ZSWIM5: variants seen among roughly 807,000 people sequenced by gnomAD.
ZSWIM5 encodes zinc finger SWIM-type containing 5, also known as zinc finger SWIM domain-containing protein 5.
In ZSWIM5, 55 loss-of-function variants were observed where a neutral mutation model predicts 119.6. The observed-to-expected ratio is 0.46, with a 90% CI of 0.37 to 0.58. ZSWIM5 has a LOEUF of 0.58. Among genes scored for constraint, ZSWIM5 ranks in the 20% least tolerant of loss-of-function variants. The pLI, the probability that ZSWIM5 is intolerant of heterozygous loss-of-function variation, is 0.00. For missense variants in ZSWIM5, 1,193 were observed against 1,512.8 expected, an observed-to-expected ratio of 0.79 and a Z score of 3.51; for synonymous variants, 537 against 606.9, an observed-to-expected ratio of 0.88 and a Z score of 1.69.
chr1:45,049,927 C>G (rs1645079945), intron 5 of ZSWIM5, among the ~76,000 whole-genome samples: 2 of 152,192 alleles, frequency 1.3e-5, no homozygotes, highest in African/African-American at 2.4e-5. Context: ...AAAATTGTAG[C>G]CTTTACCTCT....
rs1239778288 is a variant in ZSWIM5 at position 45,206,041 on chromosome 1, G to A, written c.310C>T (p.Arg104Trp). 5.0e-6 allele frequency: 8 copies of A among 1,606,940 alleles called. No individual in the cohort carries two copies. The highest frequency in any genetic ancestry group is 6.8e-6 in the Non-Finnish European group (8 of 1,177,360). Reference protein sequence around the residue: ...QRRIVYWSFPRNEREICMYSS... With the variant: ...QRRIVYWSFPWNEREICMYSS... ...TACATGCAGATCTCCCGCTCATTCCGCGGGAAGGACCAGTAGACGATGCGG... is the reference window on the plus strand; with the variant it reads ...TACATGCAGATCTCCCGCTCATTCCACGGGAAGGACCAGTAGACGATGCGG... Residue 104 changes from arginine to tryptophan, a missense_variant, in exon 1 of 14, where the codon CGG becomes TGG. Around this residue, in one of 2 missense-constraint regions of ZSWIM5, gnomAD observed 232 missense variants for 222.9 expected, o/e 1.04. Transcript: ENST00000359600.
At chr1:45,071,689 G>A (rs1014180946) in intron 2 of ZSWIM5, among the ~76,000 whole-genome samples, 5 of 151,950 alleles carry the variant, frequency 3.3e-5, no homozygotes, top group African/African-American at 1.2e-4. Flanking sequence ...GAACTCCTGA[G>A]CTCAAGCAAT....
chr1:45,154,603 C>T (rs1425004920), intron 1 of ZSWIM5, among the ~76,000 whole-genome samples: 1 of 152,098 alleles, frequency 6.6e-6, no homozygotes, highest in East Asian at 1.9e-4. Flanking sequence ...CAAGATTGAC[C>T]AGGTGTGGTG....
At chr1:45,177,098 A>G (rs183275940) in intron 1 of ZSWIM5, among the ~76,000 whole-genome samples, 49 of 152,248 alleles carry the variant, frequency 3.2e-4, no homozygotes, top group African/African-American at 1.2e-3. Flanking sequence ...GAGAGGAGGG[A>G]AGAGAAGAGC....
intron 2 of ZSWIM5, among the ~76,000 whole-genome samples, chr1:45,077,292 C>T (rs180960637): frequency 3.2e-4 from 48 of 152,136 alleles, no homozygotes; most frequent in African/African-American, 9.6e-4. Flanking sequence ...TCCTAAGCGT[C>T]GGCTGGCTTG....
rs1321245722 is a variant in ZSWIM5 at position 45,204,155 on chromosome 1, T to C, written c.595+1601A>G. On this transcript the variant is annotated intron_variant, in intron 1 of 13. Transcript: ENST00000359600. Reference sequence around the variant, plus strand: ...TCTTTAAAACTCTTCCTCTCTTTTATTTGTTCCCTCAAGTTTGAAAATTCT... The same window carrying C: ...TCTTTAAAACTCTTCCTCTCTTTTACTTGTTCCCTCAAGTTTGAAAATTCT... Among the ~76,000 whole-genome samples the C allele has an allele frequency of 3.9e-5, 6 of 152,174 alleles. No individual in the cohort carries two copies. In the East Asian group the frequency reaches 1.2e-3, roughly 29 times the overall value.
intron 1 of ZSWIM5, among the ~76,000 whole-genome samples, chr1:45,095,404 G>T (rs139692762): frequency 3.2e-4 from 48 of 152,226 alleles, no homozygotes; most frequent in African/African-American, 1.1e-3. Flanking sequence ...GGGATTATAG[G>T]CATGAACCAC....
At chr1:45,106,827 AG>A (rs1645483005) in intron 1 of ZSWIM5, among the ~76,000 whole-genome samples, 1 of 152,202 alleles carries the variant, frequency 6.6e-6, no homozygotes, top group African/African-American at 2.4e-5. Context: ...GTGTCTGTGT[AG>A]AAAGAAGTAG....
In ZSWIM5 at chr1:45,016,512, C is replaced by A. The variant is rs992232553; in HGVS notation, c.*1942G>T. ...TGTGATACAGAAATGAGAGTGGCTT[C>A]TCTCTTTTTTTTAACCAACCCATTG... On this transcript the variant is annotated 3_prime_UTR_variant, in exon 14 of 14. Transcript: ENST00000359600. The A allele has an allele frequency of 5.9e-5, 9 of 151,644 alleles. No homozygotes were observed. Among genetic ancestry groups the A allele is most frequent in the Non-Finnish European group, 1.5e-5 (1 of 67,796 alleles). The allele number at this position is 151,644 out of a possible 1,614,324, so 9.4% of individuals were successfully genotyped here.
intron 1 of ZSWIM5, among the ~76,000 whole-genome samples, chr1:45,093,245 T>C (rs1215582321): frequency 6.6e-6 from 1 of 152,186 alleles, no homozygotes; most frequent in East Asian, 1.9e-4. Flanking sequence ...ACTAGAAATA[T>C]TATTAGAAAA....
chr1:45,024,319 G>A (rs1644907743), intron 11 of ZSWIM5, among the ~76,000 whole-genome samples: 1 of 151,030 alleles, frequency 6.6e-6, no homozygotes, highest in Non-Finnish European at 1.5e-5. Context: ...AGTCTCCCGA[G>A]TAGCTGGGAT....
chr1:45,084,394 CCCTTCTAAATCTCATAT>C (rs1645312650), intron 2 of ZSWIM5, among the ~76,000 whole-genome samples: 1 of 152,084 alleles, frequency 6.6e-6, no homozygotes, highest in East Asian at 1.9e-4. Flanking sequence ...TGCCCCTGGC[CCCTTCTAAATCTCATAT>C]CCTTCTCACA....
chr1:45,152,328 C>T (rs1362479458), intron 1 of ZSWIM5, among the ~76,000 whole-genome samples: 1 of 152,082 alleles, frequency 6.6e-6, no homozygotes, highest in African/African-American at 2.4e-5. Context: ...TGGCAAGAGA[C>T]GATGGTAGTT....
At chr1:45,176,943 G>T (rs1411383419) in intron 1 of ZSWIM5, among the ~76,000 whole-genome samples, 1 of 152,002 alleles carries the variant, frequency 6.6e-6, no homozygotes, top group African/African-American at 2.4e-5. Context: ...GCTCCAGTTG[G>T]GCTCCAATAT....
intron 11 of ZSWIM5, among the ~76,000 whole-genome samples, chr1:45,029,610 A>C (rs1395233055): frequency 6.6e-6 from 1 of 152,216 alleles, no homozygotes; most frequent in Admixed American, 6.5e-5. Context: ...CTGTTTTTCA[A>C]ATGTTCATGC....
chr1:45,163,346 A>G (rs1369474911), intron 1 of ZSWIM5, among the ~76,000 whole-genome samples: 1 of 152,232 alleles, frequency 6.6e-6, no homozygotes, highest in Non-Finnish European at 1.5e-5. Context: ...GACCAAAGGT[A>G]GATAAAACCA....
chr1:45,074,582 T>G (rs1014006961), intron 2 of ZSWIM5, among the ~76,000 whole-genome samples: 1 of 151,882 alleles, frequency 6.6e-6, no homozygotes, highest in African/African-American at 2.4e-5. Context: ...TCCTTTTTCA[T>G]CTCTGATTTT....
chr1:45,193,441 G>C (rs1255143830), intron 1 of ZSWIM5, among the ~76,000 whole-genome samples: 1 of 152,044 alleles, frequency 6.6e-6, no homozygotes, highest in Non-Finnish European at 1.5e-5. Flanking sequence ...GAGAATAAAA[G>C]AAAACAGAAA....
At chr1:45,022,520 A>C (rs1040288911) in intron 11 of ZSWIM5, among the ~76,000 whole-genome samples, 1 of 152,194 alleles carries the variant, frequency 6.6e-6, no homozygotes, top group African/African-American at 2.4e-5. Flanking sequence ...CCAATGTCTT[A>C]TTAATAGTTG....
Sources: allele counts gnomAD v4.1 joint callset (sites outside exome capture counted in the v4.1 genomes callset), GRCh38; gene constraint gnomAD v4.1.1; regional missense constraint gnomAD v4.1.1; transcripts MANE v1.5; gene names NCBI Gene and HGNC (gene_info 2026-07-23, HGNC 2026-07-21).